Variants in ANKRD62 observed in about 807,000 individuals in gnomAD.
The protein encoded by ANKRD62 is ankyrin repeat domain 62, also known as ankyrin repeat domain-containing protein 62.
Under a neutral mutation model 98.8 loss-of-function variants are expected in ANKRD62, and 61 were observed. The ratio of observed to expected loss-of-function variants is 0.62; its 90% CI spans 0.50 to 0.76. The LOEUF (loss-of-function observed/expected upper bound fraction) is 0.76. ANKRD62 is among the 30% of genes least tolerant of loss of function. ANKRD62 has a pLI of 0.00. For synonymous variants in ANKRD62, 341 were observed against 367.9 expected, an observed-to-expected ratio of 0.93 and a Z score of 0.84; for missense variants, 933 against 1,082.9, an observed-to-expected ratio of 0.86 and a Z score of 1.94.
chr18:12,140,588 CTGTTGG>C, the ANKRD62 span, among the ~76,000 whole-genome samples: 1 of 152,198 alleles, frequency 6.6e-6, no homozygotes, highest in Non-Finnish European at 1.5e-5. Flanking sequence ...AGCTGCAGGT[CTGTTGG>C]AGTTTACTGG....
At chr18:12,106,989 C>G (rs188625894) in intron 7 of ANKRD62, among the ~76,000 whole-genome samples, 1 of 152,140 alleles carries the variant, frequency 6.6e-6, no homozygotes, top group East Asian at 1.9e-4. Flanking sequence ...CTGCTCATCA[C>G]AAGGGCACCG....
At chr18:12,119,885 A>G (rs1909749051) in intron 10 of ANKRD62, among the ~76,000 whole-genome samples, 2 of 151,816 alleles carry the variant, frequency 1.3e-5, no homozygotes, top group Non-Finnish European at 2.9e-5. Flanking sequence ...ACCAACCTCA[A>G]TATGTTATTT....
chr18:12,106,056 T>C (rs1370827920), intron 7 of ANKRD62, among the ~76,000 whole-genome samples: 3 of 152,222 alleles, frequency 2.0e-5, no homozygotes. Flanking sequence ...AAGGAATCTG[T>C]ATGTTGTGCT....
intron 8 of ANKRD62, 84 bp from the exon 9 acceptor site, chr18:12,115,004 T>G: frequency 9.4e-7 from 1 of 1,059,126 alleles, no homozygotes; most frequent in Non-Finnish European, 1.2e-6. Context: ...AACACAGAGA[T>G]TTTATATAAA....
chr18:12,097,754 C>T lies in ANKRD62; in HGVS notation c.729C>T (p.Tyr243=), dbSNP rs566353826. 73 of 1,535,582 alleles carry T rather than the reference C, an allele frequency of 4.8e-5. No individual in the cohort carries two copies. The highest frequency in any genetic ancestry group is 1.7e-4 in the Middle Eastern group (1 of 5,978). The change falls in exon 5 of 14, where the codon TAC becomes TAT. Residue 243 remains tyrosine (Y), a synonymous_variant. Coordinates refer to ENST00000587848, the MANE Select transcript of ANKRD62 (RefSeq NM_001277333.2). ...QDISGWTAED[Y]AVASKFQAIR... ...TATCTGGATGGACTGCAGAAGACTA[C>T]GCTGTTGCTTCTAAGTTTCAAGCGT...
chr18:12,156,047 CTCTCTCTCTCTT>C, the ANKRD62 span, among the ~76,000 whole-genome samples: 1 of 151,708 alleles, frequency 6.6e-6, no homozygotes, highest in African/African-American at 2.4e-5. Context: ...ACTACCTTCT[CTCTCTCTCTCTT>C]TCTCTCTCTC....
chr18:12,135,521 A>C, the ANKRD62 span, among the ~76,000 whole-genome samples: 2 of 151,596 alleles, frequency 1.3e-5, no homozygotes, highest in South Asian at 4.1e-4. Flanking sequence ...GTGTGTCTTT[A>C]TAGCAGCATG....
chr18:12,172,621 G>A, the ANKRD62 span, among the ~76,000 whole-genome samples: 1 of 152,222 alleles, frequency 6.6e-6, no homozygotes. Flanking sequence ...TCCGTGCTGG[G>A]AGAACCACTA....
chr18:12,126,086 C>T lies in ANKRD62; in HGVS notation c.2265C>T (p.Tyr755=). Reference sequence around the variant, plus strand: ...GATTGGAGGACATTGAACACATGTACCAAAATGACCAACCTATTTTGGAAA... The same window carrying T: ...GATTGGAGGACATTGAACACATGTATCAAAATGACCAACCTATTTTGGAAA... The part of the protein sequence containing the change: ...QRRLEDIEHM[Y]QNDQPILEKY... The change falls in exon 13 of 14, where the codon TAC becomes TAT. Residue 755 remains tyrosine (Y), a synonymous_variant. Transcript: ENST00000587848. 1.3e-6 allele frequency: 2 copies of T among 1,536,052 alleles called. No homozygotes were observed. Among genetic ancestry groups the T allele is most frequent in the South Asian group, 1.2e-5 (1 of 84,052 alleles).
In ANKRD62 at chr18:12,115,958, A is replaced by G. The variant is rs570716291; in HGVS notation, c.1240+424A>G. On this transcript the variant is annotated intron_variant, in intron 10 of 13. Coordinates refer to ENST00000587848, the MANE Select transcript of ANKRD62 (RefSeq NM_001277333.2). ...ATGTTACCTGCTTGCTTAACACCCAACTGCCACTTGTCATTGCTATAAGGT... is the reference window on the plus strand; with the variant it reads ...ATGTTACCTGCTTGCTTAACACCCAGCTGCCACTTGTCATTGCTATAAGGT... Among the ~76,000 whole-genome samples, 9 of 152,106 alleles carry G rather than the reference A, an allele frequency of 5.9e-5. No individual in the cohort carries two copies. The East Asian group carries it at 1.4e-3, about 23-fold the overall frequency.
chr18:12,114,508 A>G (rs576248980), intron 8 of ANKRD62, among the ~76,000 whole-genome samples: 1 of 152,328 alleles, frequency 6.6e-6, no homozygotes, highest in South Asian at 2.1e-4. Flanking sequence ...GTGTTTGGGC[A>G]GGTTATGTGG....
At chr18:12,096,528 T>C (rs1348597144) in intron 4 of ANKRD62, among the ~76,000 whole-genome samples, 2 of 152,210 alleles carry the variant, frequency 1.3e-5, no homozygotes, top group African/African-American at 4.8e-5. Flanking sequence ...CTGATGTTTG[T>C]TGATGGATGA....
chr18:12,175,547 A>G, the ANKRD62 span, among the ~76,000 whole-genome samples: 150,129 of 151,906 alleles, frequency 0.99, 74,207 homozygotes, highest in South Asian at 0.99. Context: ...GGGAGTATGC[A>G]GGCTGGTGCT....
the ANKRD62 span, among the ~76,000 whole-genome samples, chr18:12,163,638 T>G: frequency 6.6e-6 from 1 of 152,124 alleles, no homozygotes; most frequent in Non-Finnish European, 1.5e-5. Flanking sequence ...TGATACTAGC[T>G]GTGGGTCTGT....
chr18:12,096,444 A>G, intron 4 of ANKRD62, 142 bp downstream of exon 4: 2 of 550,174 alleles, frequency 3.6e-6, no homozygotes, highest in Admixed American at 3.7e-5. Flanking sequence ...GTCATCAGGT[A>G]GAAAAACAAT....
the ANKRD62 span, among the ~76,000 whole-genome samples, chr18:12,159,401 C>T: frequency 6.6e-6 from 1 of 152,166 alleles, no homozygotes; most frequent in African/African-American, 2.4e-5. Flanking sequence ...TAGTACTTAA[C>T]AAATTGACAT....
chr18:12,125,369 A>T (rs1598738344), intron 12 of ANKRD62, 91 bp from the exon 13 acceptor site: 1 of 1,210,580 alleles, frequency 8.3e-7, no homozygotes, highest in East Asian at 2.7e-5. Flanking sequence ...CATTGTATAA[A>T]CGTACAGGTT....
At chr18:12,118,467 G>T (rs558394522) in intron 10 of ANKRD62, among the ~76,000 whole-genome samples, 28 of 152,184 alleles carry the variant, frequency 1.8e-4, no homozygotes, top group African/African-American at 6.3e-4. Context: ...AAAGTAGCCG[G>T]GTGTGGTGGC....
the ANKRD62 span, among the ~76,000 whole-genome samples, chr18:12,168,733 C>T: frequency 6.6e-6 from 1 of 152,124 alleles, no homozygotes; most frequent in Non-Finnish European, 1.5e-5. Flanking sequence ...GGCAGTATGG[C>T]CATTTTCACG....
Sources: gnomAD v4.1 joint callset for allele counts (sites outside exome capture counted in the v4.1 genomes callset) on GRCh38, gnomAD v4.1.1 for gene constraint, MANE v1.5 for transcripts, NCBI Gene and HGNC (gene_info 2026-07-23, HGNC 2026-07-21) for gene names.